NFILZ: variants seen among roughly 807,000 people sequenced by gnomAD.
NFILZ encodes NFIL3 like basic leucine zipper, also known as NFIL3 like protein.
chr19:8,654,950 A>G (rs2042985745), intron 3 of NFILZ, among the ~76,000 whole-genome samples: 1 of 152,060 alleles, frequency 6.6e-6, no homozygotes, highest in South Asian at 2.1e-4. Flanking sequence ...TTCTGACCAC[A>G]TTCCTCCACT....
chr19:8,656,445 C>CTTCCCT (rs1568421649), intron 3 of NFILZ, among the ~76,000 whole-genome samples: 206 of 18,854 alleles, frequency 0.011, 40 homozygotes, highest in East Asian at 0.1. Flanking sequence ...ACCTTCTCCT[C>CTTCCCT]GAAGCCCACC....
chr19:8,640,714 T>G (rs2042915619), intron 3 of NFILZ, among the ~76,000 whole-genome samples: 1 of 152,126 alleles, frequency 6.6e-6, no homozygotes, highest in African/African-American at 2.4e-5. Context: ...ACAGAATATG[T>G]TGTGGACTCT....
Position 8,655,254 on chromosome 19 carries a change from G to A in NFILZ, c.-163-19297G>A, listed in dbSNP as rs531566699. Among the ~76,000 whole-genome samples, 16 of 152,318 alleles carry A rather than the reference G, an allele frequency of 1.1e-4. No individual in the cohort carries two copies. The South Asian group carries it at 3.3e-3, about 32-fold the overall frequency. ...GTCCTCAGATGTAAGGAAGGACAGA[G>A]CCTCCTTCCCTTTGCCCCTGGATCT... On this transcript the variant is annotated intron_variant, in intron 3 of 5. Transcript: ENST00000691075.
chr19:8,637,073 T>C, intron 3 of NFILZ, among the ~76,000 whole-genome samples: 1 of 151,956 alleles, frequency 6.6e-6, no homozygotes, highest in East Asian at 1.9e-4. Context: ...GCCTAGTTTT[T>C]AAAAAAATGG....
At chr19:8,652,759 TTC>T (rs781840966) in intron 3 of NFILZ, among the ~76,000 whole-genome samples, 56 of 152,236 alleles carry the variant, frequency 3.7e-4, no homozygotes, top group Middle Eastern at 6.8e-3. Flanking sequence ...CTGCATTTCT[TTC>T]TTTCTTTTTT....
chr19:8,637,996 G>C (rs1264126412), intron 3 of NFILZ, among the ~76,000 whole-genome samples: 4 of 147,806 alleles, frequency 2.7e-5, no homozygotes, highest in Admixed American at 1.4e-4. Context: ...TTGTAGAACA[G>C]AGAAGGACTT....
rs1307823111 is a variant in NFILZ, at chr19:8,676,409, A to G, written c.-63A>G. Among the ~76,000 whole-genome samples the G allele has an allele frequency of 2.0e-5, 3 of 152,148 alleles. No homozygotes were observed. Among genetic ancestry groups the G allele is most frequent in the Non-Finnish European group, 1.5e-5 (1 of 68,016 alleles). Reference sequence around the variant, plus strand: ...TGGGTTTCCAAGAATCTTACCTTGGAACTCCAATTGAACTGAGCCCTGGGC... The same window carrying G: ...TGGGTTTCCAAGAATCTTACCTTGGGACTCCAATTGAACTGAGCCCTGGGC... On this transcript the variant is annotated 5_prime_UTR_variant, in exon 5 of 6. Transcript: ENST00000691075.
At chr19:8,656,300 C>T (rs797042664) in intron 3 of NFILZ, among the ~76,000 whole-genome samples, 5 of 110,120 alleles carry the variant, frequency 4.5e-5, no homozygotes, top group African/African-American at 6.7e-5. Flanking sequence ...AGCCCACCTC[C>T]TCCCGCAGCG....
At chr19:8,640,234 T>G (rs1241195331) in intron 3 of NFILZ, among the ~76,000 whole-genome samples, 1 of 151,864 alleles carries the variant, frequency 6.6e-6, no homozygotes, top group Admixed American at 6.6e-5. Flanking sequence ...CTCTTGCACA[T>G]GGACTGCCTG....
At chr19:8,645,173 G>T (rs557885235) in intron 3 of NFILZ, among the ~76,000 whole-genome samples, 1 of 151,846 alleles carries the variant, frequency 6.6e-6, no homozygotes, top group African/African-American at 2.4e-5. Flanking sequence ...CTTGTCTGTC[G>T]CCCAGGCTGG....
chr19:8,650,382 C>T (rs1054550774), intron 3 of NFILZ, among the ~76,000 whole-genome samples: 9 of 150,742 alleles, frequency 6.0e-5, no homozygotes, highest in South Asian at 2.1e-4. Flanking sequence ...AGGCTGCGTG[C>T]GGTGGCTCAC....
At chr19:8,670,859 G>C (rs1395236438) in intron 3 of NFILZ, among the ~76,000 whole-genome samples, 1 of 152,130 alleles carries the variant, frequency 6.6e-6, no homozygotes. Flanking sequence ...GTCAGGCGTG[G>C]TGGCAAGCAT....
intron 3 of NFILZ, among the ~76,000 whole-genome samples, chr19:8,651,208 C>G (rs1237527328): frequency 6.6e-6 from 1 of 152,158 alleles, no homozygotes; most frequent in Non-Finnish European, 1.5e-5. Flanking sequence ...GTTGCCCAGG[C>G]TGGAGTGCAG....
chr19:8,632,787 A>C (rs552023752), intron 2 of NFILZ, among the ~76,000 whole-genome samples, 162 bp downstream of exon 2: 1 of 149,870 alleles, frequency 6.7e-6, no homozygotes, highest in South Asian at 2.1e-4. Context: ...CAGTGGCACG[A>C]TCTTGGCTCA....
intron 3 of NFILZ, among the ~76,000 whole-genome samples, chr19:8,657,251 C>T (rs1555748609): frequency 1.3e-5 from 2 of 151,440 alleles, no homozygotes; most frequent in Non-Finnish European, 2.9e-5. Flanking sequence ...GGGTTACAGG[C>T]ACGCGCCACC....
intron 3 of NFILZ, among the ~76,000 whole-genome samples, chr19:8,671,976 G>A (rs532602647): frequency 3.2e-4 from 48 of 152,316 alleles, no homozygotes; most frequent in Middle Eastern, 3.4e-3. Context: ...TGGGGAGAGA[G>A]GACCCATTCA....
rs2043121280 is a variant in NFILZ, at chr19:8,678,055, CCCATCTA to C, written c.*421_*427del. 2.4e-5 allele frequency among the ~76,000 whole-genome samples: 1 copy of C among 41,940 alleles called. No individual in the cohort carries two copies. Among genetic ancestry groups the C allele is most frequent in the African/African-American group, 9.6e-5 (1 of 10,394 alleles). The allele number at this position is 41,940 out of a possible 152,430, so 27.5% of individuals were successfully genotyped here. On this transcript the variant is annotated 3_prime_UTR_variant, in exon 6 of 6. Transcript: ENST00000691075. Reference sequence around the variant, plus strand: ...ATCCATCCATCCATCCATCCATCCACCCATCTATTCATCCATCCATCAATCCATCCAT... The same window carrying C: ...ATCCATCCATCCATCCATCCATCCACTTCATCCATCCATCAATCCATCCAT...
At chr19:8,667,433 G>A (rs1600153680) in intron 3 of NFILZ, among the ~76,000 whole-genome samples, 1 of 152,160 alleles carries the variant, frequency 6.6e-6, no homozygotes, top group Admixed American at 6.6e-5. Flanking sequence ...ATCTGGGGGG[G>A]ATTGGTTCTG....
At chr19:8,672,540 TA>T (rs568881063) in intron 3 of NFILZ, among the ~76,000 whole-genome samples, 1 of 151,862 alleles carries the variant, frequency 6.6e-6, no homozygotes, top group African/African-American at 2.4e-5. Flanking sequence ...ATTAGTTCAT[TA>T]AAAAATTCAT....
Sources: allele counts gnomAD v4.1 joint callset (sites outside exome capture counted in the v4.1 genomes callset), GRCh38; gene constraint gnomAD v4.1.1; transcripts MANE v1.5; gene names NCBI Gene and HGNC (gene_info 2026-07-23, HGNC 2026-07-21).